The following MAP7 variants were observed in gnomAD, a reference collection of about 807,000 sequenced individuals.
MAP7 encodes the protein microtubule associated protein 7.
Under a neutral mutation model 94.8 loss-of-function variants are expected in MAP7, and 52 were observed. That is an observed-to-expected ratio of 0.55 (90% CI 0.44 to 0.69). MAP7 has a LOEUF of 0.69. MAP7 is among the 30% of genes least tolerant of loss of function. The pLI, the probability that MAP7 is intolerant of heterozygous loss-of-function variation, is 0.00. For missense variants in MAP7, 940 were observed against 964.6 expected, an observed-to-expected ratio of 0.97 and a Z score of 0.34; for synonymous variants, 350 against 357.0, an observed-to-expected ratio of 0.98 and a Z score of 0.22.
intron 1 of MAP7, among the ~76,000 whole-genome samples, chr6:136,436,199 A>T (rs1238353470): frequency 1.3e-5 from 2 of 152,184 alleles, no homozygotes; most frequent in Non-Finnish European, 2.9e-5. Context: ...AGATTTTTAA[A>T]ATGTCTTAGA....
chr6:136,537,696 T>C (rs1828991405), intron 1 of MAP7, among the ~76,000 whole-genome samples: 1 of 152,200 alleles, frequency 6.6e-6, no homozygotes, highest in Non-Finnish European at 1.5e-5. Context: ...GGCTACTGTA[T>C]ACAAAAAGAC....
chr6:136,397,307 G>A (rs1425392304), intron 3 of MAP7, among the ~76,000 whole-genome samples: 4 of 151,128 alleles, frequency 2.6e-5, no homozygotes, highest in African/African-American at 7.3e-5. Flanking sequence ...TTTTTTTAAA[G>A]GGAAAAAAAC....
At chr6:136,460,141 T>C (rs1255031326) in intron 1 of MAP7, among the ~76,000 whole-genome samples, 1 of 152,134 alleles carries the variant, frequency 6.6e-6, no homozygotes, top group Non-Finnish European at 1.5e-5. Flanking sequence ...CATGTGTAAC[T>C]GTAAAAAAGC....
chr6:136,455,176 A>C (rs1344537529), intron 1 of MAP7, among the ~76,000 whole-genome samples: 1 of 152,072 alleles, frequency 6.6e-6, no homozygotes, highest in African/African-American at 2.4e-5. Context: ...GTAGCAATGA[A>C]AACTCTAGAA....
intron 2 of MAP7, among the ~76,000 whole-genome samples, chr6:136,414,685 A>T (rs1038019641): frequency 6.6e-6 from 1 of 152,100 alleles, no homozygotes; most frequent in African/African-American, 2.4e-5. Context: ...TGTGTCACCC[A>T]GGCTGGAGTG....
At chr6:136,519,443 G>T (rs1242025588) in intron 1 of MAP7, among the ~76,000 whole-genome samples, 1 of 152,114 alleles carries the variant, frequency 6.6e-6, no homozygotes, top group African/African-American at 2.4e-5. Context: ...GAAACAAGGA[G>T]ATATATGAGA....
intron 3 of MAP7, among the ~76,000 whole-genome samples, chr6:136,395,031 T>C (rs1418058837): frequency 6.9e-6 from 1 of 144,684 alleles, no homozygotes; most frequent in Non-Finnish European, 1.5e-5. Context: ...ATATCTTGGC[T>C]ATCGTGAATA....
At chr6:136,398,357 G>A (rs1457732354) in intron 3 of MAP7, among the ~76,000 whole-genome samples, 4 of 152,204 alleles carry the variant, frequency 2.6e-5, no homozygotes, top group East Asian at 1.9e-4. Context: ...GAAGCACTTA[G>A]CATAGTGCCA....
intron 1 of MAP7, among the ~76,000 whole-genome samples, chr6:136,496,318 A>T (rs560867349): frequency 1.3e-5 from 2 of 152,236 alleles, no homozygotes; most frequent in Non-Finnish European, 2.9e-5. Flanking sequence ...ACAATTAAGC[A>T]TCCTCTCACA....
At chr6:136,459,477 AT>A (rs1221896872) in intron 1 of MAP7, among the ~76,000 whole-genome samples, 1 of 152,202 alleles carries the variant, frequency 6.6e-6, no homozygotes, top group Non-Finnish European at 1.5e-5. Flanking sequence ...CTGCAGCATT[AT>A]GTACAATAGC....
At chr6:136,414,006 T>C (rs925838490) in intron 2 of MAP7, among the ~76,000 whole-genome samples, 2 of 151,742 alleles carry the variant, frequency 1.3e-5, no homozygotes, top group African/African-American at 2.4e-5. Context: ...TCCCAGCACT[T>C]TGGGAGGCCG....
chr6:136,521,922 T>A (rs927915944), intron 1 of MAP7, among the ~76,000 whole-genome samples: 3 of 152,190 alleles, frequency 2.0e-5, no homozygotes, highest in African/African-American at 7.2e-5. Flanking sequence ...CAATTTATAC[T>A]CTTGCATTAT....
At chr6:136,368,319 C>T (rs571128236) in intron 8 of MAP7, among the ~76,000 whole-genome samples, 69 of 152,196 alleles carry the variant, frequency 4.5e-4, no homozygotes, top group African/African-American at 1.6e-3. Context: ...GAGTTAATAG[C>T]CCACCATCTA....
intron 3 of MAP7, among the ~76,000 whole-genome samples, chr6:136,406,485 C>G (rs774345448): frequency 6.6e-6 from 1 of 152,160 alleles, no homozygotes; most frequent in African/African-American, 2.4e-5. Flanking sequence ...AGAATTTTAA[C>G]ATGGACTGTG....
chr6:136,549,200 G>A (rs1237759033), intron 1 of MAP7, among the ~76,000 whole-genome samples: 2 of 152,180 alleles, frequency 1.3e-5, no homozygotes, highest in African/African-American at 4.8e-5. Flanking sequence ...ATACTTGATG[G>A]TGGGGAGACA....
At chr6:136,435,279 C>T (rs1222571592) in intron 1 of MAP7, among the ~76,000 whole-genome samples, 5 of 152,200 alleles carry the variant, frequency 3.3e-5, no homozygotes, top group Non-Finnish European at 5.9e-5. Flanking sequence ...CCCAGCTACT[C>T]TCCTTGCGTC....
chr6:136,404,810 C>T (rs1444834315), intron 3 of MAP7, among the ~76,000 whole-genome samples: 1 of 152,172 alleles, frequency 6.6e-6, no homozygotes, highest in Non-Finnish European at 1.5e-5. Flanking sequence ...TCTGCTCAAG[C>T]GTAGAGTACT....
chr6:136,356,588 C>T, intron 16 of MAP7, 104 bp downstream of exon 16: 3 of 804,790 alleles, frequency 3.7e-6, no homozygotes, highest in South Asian at 3.3e-5. Flanking sequence ...TCAATGAGGC[C>T]CCCCCCAAAT....
chr6:136,530,309 CT>C (rs1231006179), intron 1 of MAP7, among the ~76,000 whole-genome samples: 2 of 152,188 alleles, frequency 1.3e-5, no homozygotes, highest in Non-Finnish European at 2.9e-5. Flanking sequence ...AAGTTATTTA[CT>C]TTTCATCAGG....
Sources: allele counts gnomAD v4.1 joint callset (sites outside exome capture counted in the v4.1 genomes callset), GRCh38; gene constraint gnomAD v4.1.1; transcripts MANE v1.5; gene names NCBI Gene and HGNC (gene_info 2026-07-23, HGNC 2026-07-21).